Variants in USO1 observed in about 807,000 individuals in gnomAD.
The protein encoded by USO1 is USO1 vesicle transport factor.
Under a neutral mutation model 124.5 loss-of-function variants are expected in USO1, and 57 were observed. The ratio of observed to expected loss-of-function variants is 0.46; its 90% CI spans 0.37 to 0.57. The LOEUF (loss-of-function observed/expected upper bound fraction) is 0.57, where lower values mean the gene tolerates loss of function less well. USO1 is among the 20% of genes least tolerant of loss of function. The probability of loss-of-function intolerance (pLI) is 0.00; values close to 1 mark genes in which losing one functional copy is unlikely to be tolerated. For synonymous variants in USO1, 369 were observed against 362.8 expected (o/e 1.02, Z -0.19); for missense variants, 900 against 1,040.6 (o/e 0.86, Z 1.86).
chr4:75,728,696 A>T (rs183030557), intron 1 of USO1, among the ~76,000 whole-genome samples: 45 of 152,350 alleles, frequency 3.0e-4, no homozygotes, highest in African/African-American at 9.4e-4. Context: ...TAAATATTTT[A>T]TCATAGGATA....
At chr4:75,796,454 G>C (rs1722684307) in intron 13 of USO1, among the ~76,000 whole-genome samples, 1 of 151,314 alleles carries the variant, frequency 6.6e-6, no homozygotes, top group African/African-American at 2.4e-5. Context: ...TCCTGCCTCA[G>C]CCTCCTGAGT....
At chr4:75,727,622 A>C (rs911168650) in intron 1 of USO1, among the ~76,000 whole-genome samples, 1 of 152,182 alleles carries the variant, frequency 6.6e-6, no homozygotes, top group Non-Finnish European at 1.5e-5. Context: ...TAGATGTTTT[A>C]ATTGATGATT....
At chr4:75,795,707 A>G (rs939169133) in intron 13 of USO1, among the ~76,000 whole-genome samples, 9 of 152,300 alleles carry the variant, frequency 5.9e-5, no homozygotes, top group Non-Finnish European at 1.2e-4. Flanking sequence ...AGTAGAATTC[A>G]GGATTAAGAA....
At chr4:75,791,180 T>C (rs1267862753) in intron 12 of USO1, among the ~76,000 whole-genome samples, 8 of 152,212 alleles carry the variant, frequency 5.3e-5, no homozygotes. Flanking sequence ...AAACTTAGCA[T>C]GTATAGATGC....
At chr4:75,795,486 T>C (rs1722652741) in intron 13 of USO1, 1 of 645,156 alleles carries the variant, frequency 1.6e-6, no homozygotes, top group African/African-American at 1.8e-5. Flanking sequence ...CTTTTGCGTG[T>C]CAGCCAATTT....
intron 9 of USO1, among the ~76,000 whole-genome samples, chr4:75,785,169 G>T (rs1049843340): frequency 6.6e-6 from 1 of 151,978 alleles, no homozygotes; most frequent in East Asian, 1.9e-4. Context: ...AAATAAAAAT[G>T]CATCATTGTT....
chr4:75,781,007 A>G (rs1722206910), intron 8 of USO1, among the ~76,000 whole-genome samples: 2 of 152,052 alleles, frequency 1.3e-5, no homozygotes, highest in South Asian at 4.1e-4. Context: ...AGCTACATAG[A>G]TAGTGATTTC....
rs1164082329 is a variant in USO1 at position 75,800,736 on chromosome 4, T to C, written c.1801T>C (p.Phe601Leu). 6.2e-7 allele frequency: 1 copy of C among 1,612,880 alleles called. No individual in the cohort carries two copies. Among genetic ancestry groups the C allele is most frequent in the Non-Finnish European group, 8.5e-7 (1 of 1,179,602 alleles). ...SRASQKPQPN[F>L]PSPEYMIFDH... The stretch of plus-strand genomic sequence containing the variant: ...AGCATCTCAGAAACCCCAGCCAAAC[T>C]TTCCCAGTCCAGAATACATGATATT... The change falls in exon 16 of 24, where the codon TTT becomes CTT. Residue 601 changes from phenylalanine to leucine, a missense_variant. Transcript: ENST00000514213.
At chr4:75,724,957 C>G in intron 1 of USO1, 72 bp downstream of exon 1, 1 of 1,538,598 alleles carries the variant, frequency 6.5e-7, no homozygotes, top group Non-Finnish European at 8.9e-7. Flanking sequence ...CTCGGAGACC[C>G]GAAGGTCACC....
At chr4:75,744,074 C>T (rs1481255109) in intron 1 of USO1, among the ~76,000 whole-genome samples, 1 of 152,112 alleles carries the variant, frequency 6.6e-6, no homozygotes, top group African/African-American at 2.4e-5. Flanking sequence ...CTGTGCCTCG[C>T]CCCTGTTTTT....
intron 7 of USO1, 41 bp from the exon 8 acceptor site, chr4:75,774,635 A>G: frequency 6.5e-7 from 1 of 1,541,252 alleles, no homozygotes. Context: ...AATGTCTCAT[A>G]AATTTTGTAC....
chr4:75,809,477 A>G (rs554783380), intron 21 of USO1, among the ~76,000 whole-genome samples: 1 of 152,204 alleles, frequency 6.6e-6, no homozygotes, highest in East Asian at 1.9e-4. Context: ...CTCTTCTCTC[A>G]CATTTAACTT....
chr4:75,809,495 C>G (rs1240450718), intron 21 of USO1, among the ~76,000 whole-genome samples: 3 of 152,148 alleles, frequency 2.0e-5, no homozygotes, highest in Non-Finnish European at 1.5e-5. Context: ...CTTTAAGCAA[C>G]AAGGAGAAAC....
At chr4:75,747,749 A>G (rs1328542118) in intron 1 of USO1, among the ~76,000 whole-genome samples, 3 of 150,000 alleles carry the variant, frequency 2.0e-5, no homozygotes, top group African/African-American at 7.4e-5. Flanking sequence ...AGCTGGGACT[A>G]CAGATGTCCA....
rs1278266835 is a variant in USO1, at chr4:75,790,717, A to G, written c.1160A>G (p.Tyr387Cys). The G allele has an allele frequency of 6.2e-7, 1 of 1,613,728 alleles. No individual in the cohort carries two copies. Among genetic ancestry groups the G allele is most frequent in the Non-Finnish European group, 8.5e-7 (1 of 1,179,748 alleles). The change falls in exon 12 of 24, where the codon TAT (tyrosine) becomes TGT (cysteine). Residue 387 changes from tyrosine (Y) to cysteine (C), a missense_variant. Coordinates refer to ENST00000514213, the MANE Select transcript of USO1 (RefSeq NM_003715.4). The stretch of plus-strand genomic sequence containing the variant: ...TTTGTTTTGCGCTGTGCTGTTCTCT[A>G]TTGTTTCCAGTGTTTCTTGTATAAA... ...QPFVLRCAVL[Y>C]CFQCFLYKNQ...
At chr4:75,812,602 A>AAGCCTAGAAAGTGAAT (rs781546588) in intron 23 of USO1, among the ~76,000 whole-genome samples, 197 of 152,264 alleles carry the variant, frequency 1.3e-3, no homozygotes, top group Middle Eastern at 3.4e-3. Context: ...TTTGGACCGT[A>AAGCCTAGAAAGTGAAT]AGCCTAGAAA....
intron 1 of USO1, among the ~76,000 whole-genome samples, chr4:75,726,229 A>G (rs1275087532): frequency 6.7e-6 from 1 of 149,374 alleles, no homozygotes; most frequent in Non-Finnish European, 1.5e-5. Flanking sequence ...TACGGTGAGC[A>G]GAGATCGTGC....
At chr4:75,767,854 A>G (rs1180389069) in intron 4 of USO1, among the ~76,000 whole-genome samples, 1 of 152,216 alleles carries the variant, frequency 6.6e-6, no homozygotes, top group Non-Finnish European at 1.5e-5. Flanking sequence ...TTGCAAACCA[A>G]TTTTAGAATC....
chr4:75,733,779 C>A (rs1289481211), intron 1 of USO1, among the ~76,000 whole-genome samples: 1 of 152,072 alleles, frequency 6.6e-6, no homozygotes, highest in African/African-American at 2.4e-5. Flanking sequence ...TTTGTTTACT[C>A]TGTTGATAGT....
Sources: gnomAD v4.1 joint callset for allele counts (sites outside exome capture counted in the v4.1 genomes callset) on GRCh38, gnomAD v4.1.1 for gene constraint, MANE v1.5 for transcripts, NCBI Gene and HGNC (gene_info 2026-07-23, HGNC 2026-07-21) for gene names.